NRCAM: variants seen among roughly 807,000 people sequenced by gnomAD.
The protein encoded by NRCAM is neuronal cell adhesion molecule.
A neutral mutation model predicts 156.5 loss-of-function variants in NRCAM; 83 were observed. The observed-to-expected ratio is 0.53, with a 90% confidence interval of 0.44 to 0.64. The LOEUF (loss-of-function observed/expected upper bound fraction) is 0.64, where lower values mean the gene tolerates loss of function less well. Among genes scored for constraint, NRCAM ranks in the 30% least tolerant of loss-of-function variants. NRCAM has a pLI of 0.00. For synonymous variants in NRCAM, 538 were observed against 563.9 expected, an observed-to-expected ratio of 0.95 and a Z score of 0.65; for missense variants, 1,417 against 1,597.3, an observed-to-expected ratio of 0.89 and a Z score of 1.92.
chr7:108,316,888 C>T (rs1214974114), intron 2 of NRCAM, among the ~76,000 whole-genome samples: 1 of 152,118 alleles, frequency 6.6e-6, no homozygotes, highest in Non-Finnish European at 1.5e-5. Context: ...ACAGACATGG[C>T]TGTGGAGAAG....
chr7:108,184,604 G>A lies in NRCAM; in HGVS notation c.2046C>T (p.Ile682=), dbSNP rs147979091. The change falls in exon 21 of 33, where the codon ATC becomes ATT. Residue 682 remains isoleucine, a synonymous_variant. Transcript: ENST00000379028. The part of the protein sequence containing the change: ...DNNSPITKFI[I]EYEDAMHKPG... ...GCTTGTGCATTGCATCTTCATATTC[G>A]ATGATGAATTCTGGTCACGACACAC... The A allele has an allele frequency of 5.5e-5, 88 of 1,612,256 alleles. No homozygotes were observed. The highest frequency in any genetic ancestry group is 6.6e-5 in the Non-Finnish European group (78 of 1,179,834).
At chr7:108,192,909 A>C (rs1352558659) in intron 17 of NRCAM, among the ~76,000 whole-genome samples, 1 of 152,204 alleles carries the variant, frequency 6.6e-6, no homozygotes, top group Non-Finnish European at 1.5e-5. Context: ...CAAAAAATTA[A>C]TGTATAGAGA....
chr7:108,385,395 T>C (rs571214507), intron 2 of NRCAM, among the ~76,000 whole-genome samples: 1 of 152,134 alleles, frequency 6.6e-6, no homozygotes, highest in Non-Finnish European at 1.5e-5. Context: ...ATTTCAGAGA[T>C]GTGACACAAA....
intron 28 of NRCAM, among the ~76,000 whole-genome samples, chr7:108,172,713 G>T: frequency 6.6e-6 from 1 of 152,284 alleles, no homozygotes; most frequent in Middle Eastern, 3.4e-3. Context: ...CAAAGGTCTC[G>T]CGTATGTAAT....
At position 108,274,594 on chromosome 7, in the gene NRCAM, C is replaced by A. The variant is rs2097522167; in HGVS notation, c.-106-34424G>T. Among the ~76,000 whole-genome samples the A allele has an allele frequency of 5.9e-5, 9 of 152,264 alleles. No individual in the cohort carries two copies. The South Asian group carries it at 1.9e-3, about 32-fold the overall frequency. On this transcript the variant is annotated intron_variant, in intron 3 of 32. Transcript: ENST00000379028. Reference sequence around the variant, plus strand: ...TGGTTTTTGCACATTGATTTTGTATCCTGAGACTTTGCGGAAGTTGCTTAT... The same window carrying A: ...TGGTTTTTGCACATTGATTTTGTATACTGAGACTTTGCGGAAGTTGCTTAT...
rs1313732713 is a variant in NRCAM, at chr7:108,399,607, A to G, written c.-331-14T>C. On this transcript the variant is annotated splice_polypyrimidine_tract_variant and intron_variant, in intron 1 of 32. Transcript: ENST00000379028. ...TCACAAAGATTCCTGAAAAAGAAAAAAAGTAACACAGGACAATGTAAATTG... is the reference window on the plus strand; with the variant it reads ...TCACAAAGATTCCTGAAAAAGAAAAGAAGTAACACAGGACAATGTAAATTG... The G allele has an allele frequency of 6.6e-6, 1 of 152,252 alleles. No homozygotes were observed. Among genetic ancestry groups the G allele is most frequent in the Non-Finnish European group, 1.5e-5 (1 of 68,046 alleles). The allele number at this position is 152,252 out of a possible 1,614,324, so 9.4% of individuals were successfully genotyped here. A position where few individuals can be genotyped will look rare whatever the true frequency, so the allele number is the denominator to read the frequency against.
intron 2 of NRCAM, among the ~76,000 whole-genome samples, chr7:108,318,138 C>T (rs1442247593): frequency 4.1e-5 from 6 of 147,464 alleles, no homozygotes; most frequent in South Asian, 2.2e-4. Context: ...CTCTGCCTCC[C>T]GGGTTCATGC....
intron 7 of NRCAM, 87 bp from the exon 8 acceptor site, chr7:108,231,240 T>C (rs2094290599): frequency 3.3e-6 from 3 of 905,972 alleles, no homozygotes; most frequent in Non-Finnish European, 4.8e-6. Flanking sequence ...AACTGAAGTT[T>C]TGGAGAAATA....
intron 4 of NRCAM, among the ~76,000 whole-genome samples, chr7:108,238,347 A>G (rs570160204): frequency 2.6e-5 from 4 of 152,278 alleles, no homozygotes; most frequent in African/African-American, 9.6e-5. Flanking sequence ...TAATTTCTCA[A>G]TCACTCAGGG....
In NRCAM at chr7:108,240,173, G is replaced by GAAAAAA; in HGVS notation, c.-106-4_-106-3insTTTTTT. 1.5e-6 allele frequency: 1 copy of GAAAAAA among 680,884 alleles called. No individual in the cohort carries two copies. Among genetic ancestry groups the GAAAAAA allele is most frequent in the South Asian group, 1.8e-5 (1 of 56,530 alleles). The allele number at this position is 680,884 out of a possible 1,614,324, so 42.2% of individuals were successfully genotyped here. A position where few individuals can be genotyped will look rare whatever the true frequency, so the allele number is the denominator to read the frequency against. On this transcript the variant is annotated splice_polypyrimidine_tract_variant and splice_region_variant and intron_variant, in intron 3 of 32. Coordinates refer to ENST00000379028, the MANE Select transcript of NRCAM (RefSeq NM_001037132.4). ...TTAAGTAATTTTCATGCGGGAAACT[G>GAAAAAA]AAAAAGGATAGAGTAGGAATAATAA... is the stretch of plus-strand genomic sequence containing the variant.
At chr7:108,439,832 C>CAAAAAAAAAAAAAAAAAAAAAAAAA (rs34432715) in intron 1 of NRCAM, among the ~76,000 whole-genome samples, 1 of 70,448 alleles carries the variant, frequency 1.4e-5, no homozygotes, top group Non-Finnish European at 2.6e-5. Context: ...GACTCCGTCA[C>CAAAAAAAAAAAAAAAAAAAAAAAAA]AAAAAAAAAA....
At chr7:108,164,276 C>T (rs1353142739) in intron 30 of NRCAM, among the ~76,000 whole-genome samples, 2 of 151,502 alleles carry the variant, frequency 1.3e-5, no homozygotes, top group Non-Finnish European at 2.9e-5. Context: ...GGAAGAAGCG[C>T]AGCATCAGGA....
rs138512309 is a variant in NRCAM, at chr7:108,307,450, G to A, written c.-107+5215C>T. Among the ~76,000 whole-genome samples the A allele has an allele frequency of 9.3e-4, 142 of 152,222 alleles. 1 individual carries two copies. The highest frequency in any genetic ancestry group is 3.2e-3 in the African/African-American group (131 of 41,538). ...TGGCTCCATGCACCATATCCTACTC[G>A]ACTCTTTCAATAGAAATCATTCTCT... On this transcript the variant is annotated intron_variant, in intron 3 of 32. Transcript: ENST00000379028.
intron 3 of NRCAM, among the ~76,000 whole-genome samples, chr7:108,286,550 G>A (rs1171157042): frequency 6.6e-6 from 1 of 152,110 alleles, no homozygotes. Flanking sequence ...GGAAAAGGAA[G>A]TATTTATTGA....
intron 2 of NRCAM, among the ~76,000 whole-genome samples, chr7:108,334,587 C>A (rs1188335280): frequency 6.6e-6 from 1 of 152,168 alleles, no homozygotes; most frequent in Non-Finnish European, 1.5e-5. Context: ...AAATCCCTCT[C>A]TTTCTTCAAC....
At chr7:108,242,200 C>T (rs1299044409) in intron 3 of NRCAM, among the ~76,000 whole-genome samples, 3 of 134,384 alleles carry the variant, frequency 2.2e-5, no homozygotes, top group Non-Finnish European at 3.0e-5. Context: ...GCTTAGCTGC[C>T]GTGAACCGAG....
At chr7:108,236,490 T>C (rs1220314256) in intron 5 of NRCAM, among the ~76,000 whole-genome samples, 3 of 152,108 alleles carry the variant, frequency 2.0e-5, no homozygotes, top group Non-Finnish European at 4.4e-5. Context: ...GGTGGCCTGA[T>C]TGTTAAGCAC....
chr7:108,274,632 A>C (rs575573186), intron 3 of NRCAM, among the ~76,000 whole-genome samples: 3 of 152,270 alleles, frequency 2.0e-5, no homozygotes, highest in African/African-American at 7.2e-5. Context: ...GCTTAACGAG[A>C]TTTTGGGCTC....
intron 2 of NRCAM, among the ~76,000 whole-genome samples, chr7:108,378,844 T>C (rs1244938650): frequency 6.6e-6 from 1 of 150,952 alleles, no homozygotes; most frequent in Non-Finnish European, 1.5e-5. Context: ...AGGAGGATTA[T>C]AGAAAAGAAC....
Sources: gnomAD v4.1 joint callset for allele counts (sites outside exome capture counted in the v4.1 genomes callset) on GRCh38, gnomAD v4.1.1 for gene constraint, MANE v1.5 for transcripts, NCBI Gene and HGNC (gene_info 2026-07-23, HGNC 2026-07-21) for gene names.